ACO1: variants seen among roughly 807,000 people sequenced by gnomAD.
ACO1 encodes cytoplasmic aconitate hydratase.
A neutral mutation model predicts 105.1 loss-of-function variants in ACO1; 78 were observed. The ratio of observed to expected loss-of-function variants is 0.74; its 90% confidence interval spans 0.62 to 0.90. The LOEUF (loss-of-function observed/expected upper bound fraction) is 0.90, where lower values mean the gene tolerates loss of function less well. Among genes scored for constraint, ACO1 ranks in the 40% least tolerant of loss-of-function variants. The probability of loss-of-function intolerance (pLI) is 0.00; values close to 1 mark genes in which losing one functional copy is unlikely to be tolerated. For synonymous variants in ACO1, 364 were observed against 397.4 expected (o/e 0.92, Z 1.00); for missense variants, 965 against 1,111.1 (o/e 0.87, Z 1.87).
chr9:32,396,314 CT>C (rs1486007122), intron 1 of ACO1, among the ~76,000 whole-genome samples: 2 of 152,182 alleles, frequency 1.3e-5, no homozygotes, highest in African/African-American at 4.8e-5. Context: ...ACTGTGGCCA[CT>C]TTATCACTGT....
At chr9:32,428,267 G>T (rs1822144122) in intron 12 of ACO1, among the ~76,000 whole-genome samples, 1 of 133,298 alleles carries the variant, frequency 7.5e-6, no homozygotes, top group Non-Finnish European at 1.6e-5. Flanking sequence ...TTGGGTGACA[G>T]CAAGACCCTG....
chr9:32,388,491 G>A (rs143557646), intron 1 of ACO1, among the ~76,000 whole-genome samples: 16 of 152,094 alleles, frequency 1.1e-4, no homozygotes, highest in African/African-American at 2.9e-4. Flanking sequence ...ATTGCATCAC[G>A]GCACTCCAGC....
chr9:32,387,677 G>C (rs936265767), intron 1 of ACO1, among the ~76,000 whole-genome samples: 1 of 152,156 alleles, frequency 6.6e-6, no homozygotes, highest in African/African-American at 2.4e-5. Context: ...AAAGGGACAG[G>C]TAGTGAAATA....
intron 19 of ACO1, among the ~76,000 whole-genome samples, chr9:32,447,111 C>G (rs1282871235): frequency 6.6e-6 from 1 of 152,128 alleles, no homozygotes; most frequent in African/African-American, 2.4e-5. Context: ...GAATGTTGGC[C>G]TGCCTTGCTA....
chr9:32,441,774 A>G (rs979518778), intron 19 of ACO1, among the ~76,000 whole-genome samples: 4 of 152,230 alleles, frequency 2.6e-5, no homozygotes, highest in Non-Finnish European at 4.4e-5. Flanking sequence ...AGACTTTTCT[A>G]TAGAACCGCT....
chr9:32,437,664 G>A (rs955195639), intron 18 of ACO1, among the ~76,000 whole-genome samples: 1 of 152,108 alleles, frequency 6.6e-6, no homozygotes, highest in African/African-American at 2.4e-5. Flanking sequence ...ACAGAATCAA[G>A]GATGAACAGA....
chr9:32,398,155 G>A lies in ACO1; in HGVS notation c.-22-7330G>A, dbSNP rs1821410929. Among the ~76,000 whole-genome samples the A allele has an allele frequency of 2.6e-5, 4 of 152,228 alleles. No homozygotes were observed. The South Asian group carries it at 8.3e-4, about 32-fold the overall frequency. ...GTCCATTAATACTATGCCTCTGTCTGTATCATAAGGTAATTAATTATAATA... is the reference window on the plus strand; with the variant it reads ...GTCCATTAATACTATGCCTCTGTCTATATCATAAGGTAATTAATTATAATA... On this transcript the variant is annotated intron_variant, in intron 1 of 20. Coordinates refer to ENST00000309951, the MANE Select transcript of ACO1 (RefSeq NM_002197.3).
Position 32,429,457 on chromosome 9 carries a change from G to C in ACO1, c.1523G>C (p.Gly508Ala). The change falls in exon 13 of 21, where the codon GGC (glycine) becomes GCC (alanine). Residue 508 changes from glycine to alanine, a missense_variant. Transcript: ENST00000309951. ...VVGYGCMTCI[G>A]NSGPLPEPVV... Reference sequence around the variant, plus strand: ...GGCTATGGCTGCATGACCTGCATTGGCAACAGTGGGCCTTTACCTGAACCT... The same window carrying C: ...GGCTATGGCTGCATGACCTGCATTGCCAACAGTGGGCCTTTACCTGAACCT... 1.2e-6 allele frequency: 2 copies of C among 1,614,174 alleles called. No individual in the cohort carries two copies. Among genetic ancestry groups the C allele is most frequent in the Non-Finnish European group, 1.7e-6 (2 of 1,180,032 alleles).
At chr9:32,416,694 A>C (rs1451870697) in intron 4 of ACO1, among the ~76,000 whole-genome samples, 3 of 152,164 alleles carry the variant, frequency 2.0e-5, no homozygotes, top group African/African-American at 7.2e-5. Context: ...TTCAGCATGT[A>C]GCATGTGGCA....
At chr9:32,449,196 G>T (rs925853645) in intron 20 of ACO1, 115 bp downstream of exon 20, 3 of 948,376 alleles carry the variant, frequency 3.2e-6, no homozygotes, top group Non-Finnish European at 4.6e-6. Context: ...CACTCAGGAG[G>T]ACTGCATTAG....
rs150535703 is a variant in ACO1, at chr9:32,393,382, C to T, written c.-23+8647C>T. On this transcript the variant is annotated intron_variant, in intron 1 of 20. Coordinates refer to ENST00000309951, the MANE Select transcript of ACO1 (RefSeq NM_002197.3). ...TGTAGCGCTCCCAGGCTTATTAGGA[C>T]GAGGAAATTCCCTCCTAATAAATTT... 4.2e-3 allele frequency among the ~76,000 whole-genome samples: 633 copies of T among 152,220 alleles called. 2 individuals carry two copies. Among genetic ancestry groups the T allele is most frequent in the African/African-American group, 0.014 (584 of 41,534 alleles).
At chr9:32,422,193 G>C (rs1301844365) in intron 8 of ACO1, among the ~76,000 whole-genome samples, 1 of 152,200 alleles carries the variant, frequency 6.6e-6, no homozygotes, top group African/African-American at 2.4e-5. Flanking sequence ...CCGTGGTGCT[G>C]CAGGTGGCCA....
chr9:32,431,775 G>T lies in ACO1; in HGVS notation c.1783G>T (p.Glu595Ter). 1.2e-6 allele frequency: 2 copies of T among 1,614,146 alleles called. No homozygotes were observed. Residue 595 changes from glutamate (E) to a stop codon, truncating the protein, a stop_gained, in exon 15 of 21, where the codon GAG (glutamate) becomes TAG (stop). Coordinates refer to ENST00000309951, the MANE Select transcript of ACO1 (RefSeq NM_002197.3). LOFTEE classifies it high-confidence loss of function. ...GAAAGATATCTGGCCGACTAGAGACGAGATCCAGGCAGTGGAGCGTCAGTA... is the reference window on the plus strand; with the variant it reads ...GAAAGATATCTGGCCGACTAGAGACTAGATCCAGGCAGTGGAGCGTCAGTA... ...FLKDIWPTRD[E>*]IQAVERQYVI... is the part of the protein sequence containing the mutation.
intron 19 of ACO1, chr9:32,445,942 A>G (rs1167501901): frequency 1.3e-5 from 2 of 152,206 alleles, no homozygotes; most frequent in African/African-American, 4.8e-5. Context: ...CTTAATCCTG[A>G]GTTCTAATTT....
chr9:32,415,779 C>A (rs542283686), intron 4 of ACO1, among the ~76,000 whole-genome samples: 15 of 152,300 alleles, frequency 9.8e-5, no homozygotes, highest in Middle Eastern at 3.4e-3. Flanking sequence ...GACACTCATT[C>A]ACTCAGGCAG....
intron 6 of ACO1, 22 bp from the exon 7 acceptor site, chr9:32,419,016 C>T (rs754109267): frequency 6.4e-7 from 1 of 1,560,638 alleles, no homozygotes; most frequent in East Asian, 2.3e-5. Flanking sequence ...AGGCATTCTT[C>T]CGGTCATGCC....
chr9:32,450,072 G>A lies in ACO1; in HGVS notation c.2631G>A (p.Gly877=). ...TGGAGCTCACTTATTTCCTCAACGG[G>A]GGCATCCTCAACTACATGATCCGCA... ...TDVELTYFLN[G]GILNYMIRKM... The change falls in exon 21 of 21, where the codon GGG becomes GGA. Residue 877 remains glycine, a synonymous_variant. Transcript: ENST00000309951. 1.2e-6 allele frequency: 2 copies of A among 1,613,856 alleles called. No homozygotes were observed. The highest frequency in any genetic ancestry group is 8.5e-7 in the Non-Finnish European group (1 of 1,179,968).
At position 32,453,689 on chromosome 9, in the gene ACO1, A is replaced by G. The variant is rs1822817764; in HGVS notation, c.*3578A>G. The stretch of plus-strand genomic sequence containing the variant: ...CCTTATTTTTAGCAGTTTCCCTTTC[A>G]GGGCTCTAACAGGACTGTGGAGTAA... On this transcript the variant is annotated 3_prime_UTR_variant, in exon 21 of 21. Coordinates refer to ENST00000309951, the MANE Select transcript of ACO1 (RefSeq NM_002197.3). The G allele has an allele frequency of 6.6e-6, 1 of 152,196 alleles. No homozygotes were observed. The highest frequency in any genetic ancestry group is 1.5e-5 in the Non-Finnish European group (1 of 68,014). 9.4% of individuals were successfully genotyped at this position (152,196 alleles called of 1,614,324 possible). A position where few individuals can be genotyped will look rare whatever the true frequency, so the allele number is the denominator to read the frequency against.
At chr9:32,385,468 T>C (rs577235005) in intron 1 of ACO1, among the ~76,000 whole-genome samples, 24 of 152,342 alleles carry the variant, frequency 1.6e-4, no homozygotes, top group Middle Eastern at 3.4e-3. Context: ...TATCTATCCA[T>C]ATTTATAATA....
Sources: gnomAD v4.1 joint callset for allele counts (sites outside exome capture counted in the v4.1 genomes callset) on GRCh38, gnomAD v4.1.1 for gene constraint, MANE v1.5 for transcripts, NCBI Gene and HGNC (gene_info 2026-07-23, HGNC 2026-07-21) for gene names.